The following CNTN1 variants were observed in gnomAD, a reference collection of about 807,000 sequenced individuals.
CNTN1 encodes contactin 1.
Under a neutral mutation model 126.4 loss-of-function variants are expected in CNTN1, and 38 were observed. The ratio of observed to expected loss-of-function variants is 0.30; its 90% CI spans 0.23 to 0.39. CNTN1 has a LOEUF of 0.39. Among genes scored for constraint, CNTN1 ranks in the 10% least tolerant of loss-of-function variants. The probability of loss-of-function intolerance (pLI) is 1.00; values close to 1 mark genes in which losing one functional copy is unlikely to be tolerated. For synonymous variants in CNTN1, 413 were observed against 422.6 expected, an observed-to-expected ratio of 0.98 and a Z score of 0.28; for missense variants, 1,009 against 1,248.4, an observed-to-expected ratio of 0.81 and a Z score of 2.89.
At chr12:40,717,373 AAC>A (rs1189899899) in intron 1 of CNTN1, among the ~76,000 whole-genome samples, 2 of 152,192 alleles carry the variant, frequency 1.3e-5, no homozygotes, top group Admixed American at 6.5e-5. Context: ...AACTAAAATG[AAC>A]ACTGAGCTAC....
chr12:40,977,364 C>G (rs1194143502), intron 15 of CNTN1, among the ~76,000 whole-genome samples: 3 of 152,138 alleles, frequency 2.0e-5, no homozygotes, highest in African/African-American at 7.2e-5. Flanking sequence ...GAAGTCTGTT[C>G]TATCAATAAT....
At chr12:40,694,577 G>T (rs1941399546) in intron 1 of CNTN1, among the ~76,000 whole-genome samples, 1 of 152,156 alleles carries the variant, frequency 6.6e-6, no homozygotes, top group Non-Finnish European at 1.5e-5. Context: ...TGTGGTTAAT[G>T]TTGATACCAG....
intron 1 of CNTN1, chr12:40,728,787 G>T: frequency 6.6e-6 from 1 of 152,222 alleles, no homozygotes; most frequent in East Asian, 1.9e-4. Flanking sequence ...TTCCGGGTGA[G>T]TGCTCCCCCA....
At chr12:41,026,653 G>C (rs1949043100) in intron 21 of CNTN1, among the ~76,000 whole-genome samples, 1 of 152,142 alleles carries the variant, frequency 6.6e-6, no homozygotes, top group Admixed American at 6.5e-5. Context: ...AGTAAGGAGG[G>C]GGAAGTGTTC....
intron 14 of CNTN1, among the ~76,000 whole-genome samples, chr12:40,951,712 A>AC (rs1946688625): frequency 1.2e-5 from 1 of 84,810 alleles, no homozygotes; most frequent in African/African-American, 5.0e-5. Context: ...TTGTCTCAAA[A>AC]TTTAAAAAAA....
intron 20 of CNTN1, among the ~76,000 whole-genome samples, chr12:41,023,796 C>T (rs568366441): frequency 5.9e-5 from 9 of 152,222 alleles, no homozygotes; most frequent in East Asian, 5.8e-4. Flanking sequence ...AGAAGACATC[C>T]GTTTTGGTCT....
At chr12:41,001,781 A>G (rs543608255) in intron 17 of CNTN1, among the ~76,000 whole-genome samples, 1 of 152,260 alleles carries the variant, frequency 6.6e-6, no homozygotes, top group Admixed American at 6.5e-5. Context: ...TCTTCAATTC[A>G]TCTTGAGTTC....
chr12:40,932,688 G>T (rs1945932142), intron 7 of CNTN1, among the ~76,000 whole-genome samples: 1 of 151,824 alleles, frequency 6.6e-6, no homozygotes, highest in South Asian at 2.1e-4. Context: ...TGCCATATTT[G>T]CCTCAGAGTG....
Position 40,909,934 on chromosome 12 carries a change from G to A in CNTN1, c.62-139G>A. The A allele has an allele frequency of 4.7e-6, 3 of 644,898 alleles. No homozygotes were observed. The South Asian group carries it at 5.5e-5, about 12-fold the overall frequency. The allele number at this position is 644,898 out of a possible 1,614,324, so 39.9% of individuals were successfully genotyped here. A position where few individuals can be genotyped will look rare whatever the true frequency, so the allele number is the denominator to read the frequency against. On this transcript the variant is annotated intron_variant, in intron 2 of 23. Transcript: ENST00000551295. ...ATAAGAAATAAGTATCTGCACAGAT[G>A]TGAAGATACTTCAACCTTTATAGTA... is the stretch of plus-strand genomic sequence containing the variant.
At chr12:41,015,331 A>G (rs1948756975) in intron 18 of CNTN1, among the ~76,000 whole-genome samples, 1 of 152,190 alleles carries the variant, frequency 6.6e-6, no homozygotes. Flanking sequence ...AATTCTGTGG[A>G]TATCTGCTAC....
At chr12:41,006,455 T>A (rs1286472189) in intron 17 of CNTN1, among the ~76,000 whole-genome samples, 3 of 152,150 alleles carry the variant, frequency 2.0e-5, no homozygotes, top group Non-Finnish European at 2.9e-5. Flanking sequence ...TGGTATTAGC[T>A]CAGGGGCTGG....
At chr12:40,865,422 C>T (rs1592176822) in intron 1 of CNTN1, among the ~76,000 whole-genome samples, 1 of 152,016 alleles carries the variant, frequency 6.6e-6, no homozygotes, top group African/African-American at 2.4e-5. Flanking sequence ...TTTGGCCTAA[C>T]TCGTGGTCAA....
chr12:41,014,187 T>G, intron 17 of CNTN1, 41 bp from the exon 18 acceptor site: 3 of 1,601,240 alleles, frequency 1.9e-6, no homozygotes, highest in Non-Finnish European at 2.6e-6. Context: ...GCAGGCCCTC[T>G]TTTTGTTGTT....
chr12:40,927,140 A>C, intron 6 of CNTN1, among the ~76,000 whole-genome samples: 1 of 152,114 alleles, frequency 6.6e-6, no homozygotes, highest in East Asian at 1.9e-4. Context: ...AAGAAGTGTC[A>C]TATATCTACC....
Position 40,944,719 on chromosome 12 carries a change from G to A in CNTN1, c.1683+549G>A, listed in dbSNP as rs117494692. Among the ~76,000 whole-genome samples the A allele has an allele frequency of 2.6e-4, 40 of 152,118 alleles. No homozygotes were observed. In the East Asian group the frequency reaches 5.4e-3, roughly 21 times the overall value. On this transcript the variant is annotated intron_variant, in intron 14 of 23. Coordinates refer to ENST00000551295, the MANE Select transcript of CNTN1 (RefSeq NM_001843.4). ...ACATAGTGATATAGAGAGTCAAGGT[G>A]TAGAAAGAAATAAAATAGAGGGAAA... is the stretch of plus-strand genomic sequence containing the variant.
chr12:40,708,794 G>C (rs1941835636), intron 1 of CNTN1, among the ~76,000 whole-genome samples: 1 of 152,164 alleles, frequency 6.6e-6, no homozygotes, highest in Non-Finnish European at 1.5e-5. Flanking sequence ...TCATCCATAA[G>C]AAGCAACTCC....
At position 40,925,558 on chromosome 12, in the gene CNTN1, C is replaced by CACGTATATAT. The variant is rs1446522682; in HGVS notation, c.496+916_496+925dup. 4.5e-4 allele frequency among the ~76,000 whole-genome samples: 55 copies of CACGTATATAT among 123,310 alleles called. 1 individual carries two copies. In the South Asian group the frequency reaches 8.4e-3, roughly 19 times the overall value. The allele number at this position is 123,310 out of a possible 152,430, so 80.9% of individuals were successfully genotyped here. ...GTGTGTGTGTGTGTGTATATATATA[C>CACGTATATAT]ACGTATATATACGTATATACGTATA... On this transcript the variant is annotated intron_variant, in intron 6 of 23. Coordinates refer to ENST00000551295, the MANE Select transcript of CNTN1 (RefSeq NM_001843.4).
chr12:40,866,842 C>T (rs1431259567), intron 1 of CNTN1, among the ~76,000 whole-genome samples: 3 of 152,082 alleles, frequency 2.0e-5, no homozygotes, highest in African/African-American at 7.2e-5. Flanking sequence ...ATTTCTCCAC[C>T]TTGCTATTGT....
chr12:40,900,119 T>C (rs947709823), intron 1 of CNTN1, among the ~76,000 whole-genome samples: 1 of 152,134 alleles, frequency 6.6e-6, no homozygotes, highest in Admixed American at 6.6e-5. Context: ...ATATGGATGT[T>C]AATTAAGTGC....
Sources: gnomAD v4.1 joint callset for allele counts (sites outside exome capture counted in the v4.1 genomes callset) on GRCh38, gnomAD v4.1.1 for gene constraint, MANE v1.5 for transcripts, NCBI Gene and HGNC (gene_info 2026-07-23, HGNC 2026-07-21) for gene names.